TDP1: variants seen among roughly 807,000 people sequenced by gnomAD.
The protein encoded by TDP1 is tyr-DNA phosphodiesterase 1.
A neutral mutation model predicts 81.5 loss-of-function variants in TDP1; 64 were observed. That is an observed-to-expected ratio of 0.79 (90% CI 0.64 to 0.97). TDP1 has a LOEUF of 0.97. Ranked by LOEUF, TDP1 falls within the 50% of genes least tolerant of loss-of-function variation. The probability of loss-of-function intolerance (pLI) is 0.00; values close to 1 mark genes in which losing one functional copy is unlikely to be tolerated. For synonymous variants in TDP1, 256 were observed against 264.3 expected (o/e 0.97, Z 0.30); for missense variants, 723 against 743.8 (o/e 0.97, Z 0.33).
chr14:90,029,364 A>AT (rs1246573636), intron 15 of TDP1, among the ~76,000 whole-genome samples: 1 of 151,292 alleles, frequency 6.6e-6, no homozygotes, highest in Non-Finnish European at 1.5e-5. Context: ...CACCTGGCTA[A>AT]TTTTTTGTAT....
intron 13 of TDP1, 107 bp from the exon 14 acceptor site, chr14:89,993,269 T>G (rs1896374032): frequency 8.0e-7 from 1 of 1,256,872 alleles, no homozygotes; most frequent in African/African-American, 1.5e-5. Flanking sequence ...GTGTAGCCAC[T>G]GTTGATTTTT....
intron 6 of TDP1, among the ~76,000 whole-genome samples, chr14:89,973,742 T>C (rs2140024012): frequency 6.6e-6 from 1 of 152,178 alleles, no homozygotes; most frequent in South Asian, 2.1e-4. Context: ...TTGGGTGCTA[T>C]AACAAAATTA....
chr14:89,961,131 G>A (rs1892276905), intron 2 of TDP1, among the ~76,000 whole-genome samples: 1 of 152,238 alleles, frequency 6.6e-6, no homozygotes, highest in Admixed American at 6.5e-5. Context: ...CATGTGTAAT[G>A]AGCAAACGTG....
chr14:89,963,046 A>G, intron 2 of TDP1, 62 bp from the exon 3 acceptor site: 2 of 1,613,000 alleles, frequency 1.2e-6, no homozygotes, highest in African/African-American at 1.3e-5. Flanking sequence ...GAGAGCAATA[A>G]AGTTATTTTG....
rs555280380 is a variant in TDP1 at position 89,989,773 on chromosome 14, T to A, written c.1366+8T>A. On this transcript the variant is annotated splice_region_variant and intron_variant, in intron 12 of 16. Transcript: ENST00000335725. ...GTTTAGAAGGATATCCTGGTAATTCTTGGGGAGACTGTCTTGATTGTGTTT... is the reference window on the plus strand; with the variant it reads ...GTTTAGAAGGATATCCTGGTAATTCATGGGGAGACTGTCTTGATTGTGTTT... The A allele has an allele frequency of 1.3e-6, 2 of 1,599,478 alleles. No individual in the cohort carries two copies. Among genetic ancestry groups the A allele is most frequent in the African/African-American group, 2.7e-5 (2 of 74,746 alleles).
At chr14:90,040,829 A>C (rs1888286102) in intron 16 of TDP1, among the ~76,000 whole-genome samples, 1 of 152,206 alleles carries the variant, frequency 6.6e-6, no homozygotes, top group Non-Finnish European at 1.5e-5. Context: ...CTTTGCCTCC[A>C]GGTAGTGATG....
At position 90,030,204 on chromosome 14, in the gene TDP1, C is replaced by CTTCCCTGTCCCCCTCCTCT. The variant is rs1887123350; in HGVS notation, c.1645-2902_1645-2901insTTCCCTGTCCCCCTCCTCT. Among the ~76,000 whole-genome samples the CTTCCCTGTCCCCCTCCTCT allele has an allele frequency of 2.6e-5, 4 of 152,242 alleles. No homozygotes were observed. In the South Asian group the frequency reaches 8.3e-4, roughly 32 times the overall value. ...CTGCCGAGCTGGCCTGCCTGCCCTC[C>CTTCCCTGTCCCCCTCCTCT]GTGTCTTCCCTGTCCCCCTCCTCTG... On this transcript the variant is annotated intron_variant, in intron 15 of 16. Transcript: ENST00000335725.
At chr14:89,980,479 A>G in intron 7 of TDP1, 61 bp from the exon 8 acceptor site, 1 of 1,519,798 alleles carries the variant, frequency 6.6e-7, no homozygotes, top group Non-Finnish European at 9.1e-7. Flanking sequence ...TTTGCATTGG[A>G]AAGGTATTAC....
rs563105452 is a variant in TDP1 at position 90,007,105 on chromosome 14, C to T, written c.1542-12211C>T. Reference sequence around the variant, plus strand: ...GTTTACAGTTACCCATAAGTTTACTCATTTCTTTGTTCTTTTTCTTCCCGG... The same window carrying T: ...GTTTACAGTTACCCATAAGTTTACTTATTTCTTTGTTCTTTTTCTTCCCGG... On this transcript the variant is annotated intron_variant, in intron 14 of 16. Coordinates refer to ENST00000335725, the MANE Select transcript of TDP1 (RefSeq NM_018319.4). 3.9e-4 allele frequency among the ~76,000 whole-genome samples: 60 copies of T among 152,260 alleles called. 1 individual carries two copies. Among genetic ancestry groups the T allele is most frequent in the Admixed American group, 1.1e-3 (17 of 15,280 alleles).
rs77542187 is a variant in TDP1, at chr14:89,989,918, G to T, written c.1366+153G>T. On this transcript the variant is annotated intron_variant, in intron 12 of 16. Transcript: ENST00000335725. ...TAGGCAATATGAAGCTCTGCATTCC[G>T]CAGATGATACCCTTCAGTTTGGGTG... Among the ~76,000 whole-genome samples the T allele has an allele frequency of 3.8e-3, 581 of 152,288 alleles. 3 individuals are homozygous for T. The highest frequency in any genetic ancestry group is 0.01 in the South Asian group (49 of 4,824).
At chr14:90,018,416 C>T (rs1233338917) in intron 14 of TDP1, among the ~76,000 whole-genome samples, 1 of 152,106 alleles carries the variant, frequency 6.6e-6, no homozygotes, top group Non-Finnish European at 1.5e-5. Flanking sequence ...ACCTTGGCAC[C>T]TCTTGCAAGT....
At chr14:89,955,292 A>T (rs1891452098), upstream of TDP1, 1 of 152,360 alleles carries the variant, frequency 6.6e-6, no homozygotes, top group South Asian at 2.0e-4. Context: ...TTATATTTAC[A>T]CAGATGTATT....
chr14:90,013,251 G>T (rs970288921), intron 14 of TDP1, among the ~76,000 whole-genome samples: 2 of 152,164 alleles, frequency 1.3e-5, no homozygotes, highest in African/African-American at 4.8e-5. Flanking sequence ...CATGAGATTT[G>T]GGAGGGGTAA....
intron 6 of TDP1, 40 bp from the exon 7 acceptor site, chr14:89,975,741 G>T: frequency 6.4e-7 from 1 of 1,552,354 alleles, no homozygotes; most frequent in South Asian, 1.1e-5. Flanking sequence ...ATGGATATTA[G>T]TGAGTTGTTT....
chr14:90,009,444 G>C (rs1049791112), intron 14 of TDP1, among the ~76,000 whole-genome samples: 10 of 152,224 alleles, frequency 6.6e-5, no homozygotes, highest in African/African-American at 2.4e-4. Context: ...AAGAGGCACT[G>C]ATGGTAGAAG....
intron 10 of TDP1, chr14:89,988,443 T>C (rs540613400): frequency 3.5e-6 from 1 of 283,044 alleles, no homozygotes; most frequent in East Asian, 1.8e-4. Flanking sequence ...TCAGTCTCAT[T>C]AACATACAGA....
In TDP1 at chr14:89,989,083, TTTAC is replaced by T. The variant is rs780921314; in HGVS notation, c.1313_1316del (p.Tyr438Ter). On this transcript the variant is annotated frameshift_variant, in exon 11 of 17. Coordinates refer to ENST00000335725, the MANE Select transcript of TDP1 (RefSeq NM_018319.4). LOFTEE classifies it high-confidence loss of function. ...ACTCCAGGAAAAAGCTCTGTTCCTC[TTTAC>T]TTGGTGAGTTCTCGTCCTCATTGAG... The T allele has an allele frequency of 5.6e-6, 9 of 1,613,788 alleles. No homozygotes were observed. The highest frequency in any genetic ancestry group is 7.6e-6 in the Non-Finnish European group (9 of 1,179,766).
At chr14:90,026,354 C>T (rs1186959428) in intron 15 of TDP1, among the ~76,000 whole-genome samples, 1 of 152,240 alleles carries the variant, frequency 6.6e-6, no homozygotes, top group Non-Finnish European at 1.5e-5. Context: ...TATCTTGGTA[C>T]CTGCTGATGT....
At chr14:89,978,125 C>G (rs1290144883) in intron 7 of TDP1, among the ~76,000 whole-genome samples, 1 of 152,178 alleles carries the variant, frequency 6.6e-6, no homozygotes, top group Non-Finnish European at 1.5e-5. Context: ...AGTCCTCTTT[C>G]CCACCAAGGC....
Sources: gnomAD v4.1 joint callset for allele counts (sites outside exome capture counted in the v4.1 genomes callset) on GRCh38, gnomAD v4.1.1 for gene constraint, MANE v1.5 for transcripts, NCBI Gene and HGNC (gene_info 2026-07-23, HGNC 2026-07-21) for gene names.